TNS3: variants seen among roughly 807,000 people sequenced by gnomAD.
TNS3 encodes tensin-3.
TNS3 carries 45 observed loss-of-function variants against 140.9 expected under a neutral mutation model. The ratio of observed to expected loss-of-function variants is 0.32; its 90% CI spans 0.25 to 0.41. The LOEUF (loss-of-function observed/expected upper bound fraction) is 0.41. Ranked by LOEUF, TNS3 falls within the 10% of genes least tolerant of loss-of-function variation. TNS3 has a pLI of 1.00. For synonymous variants in TNS3, 815 were observed against 788.4 expected, an observed-to-expected ratio of 1.03 and a Z score of -0.56; for missense variants, 1,716 against 1,906.7, an observed-to-expected ratio of 0.90 and a Z score of 1.86.
chr7:47,554,291 G>A (rs1405452081), intron 1 of TNS3, among the ~76,000 whole-genome samples: 1 of 151,416 alleles, frequency 6.6e-6, no homozygotes, highest in Non-Finnish European at 1.5e-5. Context: ...GGTGGCGGGT[G>A]CCTGTAATCC....
intron 5 of TNS3, 35 bp from the exon 6 acceptor site, chr7:47,439,693 T>C (rs1194838685): frequency 1.9e-6 from 3 of 1,605,366 alleles, no homozygotes; most frequent in Admixed American, 1.7e-5. Flanking sequence ...AGAAACAGGG[T>C]AAGGAGGCAG....
At chr7:47,308,201 G>A (rs752221397) in intron 20 of TNS3, among the ~76,000 whole-genome samples, 1 of 152,098 alleles carries the variant, frequency 6.6e-6, no homozygotes, top group Non-Finnish European at 1.5e-5. Flanking sequence ...CATTTGTTGA[G>A]ACTATCTATT....
intron 1 of TNS3, among the ~76,000 whole-genome samples, chr7:47,554,417 CAAAAAAA>C (rs757352132): frequency 3.1e-5 from 2 of 64,004 alleles, no homozygotes; most frequent in Admixed American, 3.8e-4. Flanking sequence ...GACTCCATCT[CAAAAAAA>C]AAAACAAAAA....
chr7:47,498,924 G>A (rs557923887), intron 3 of TNS3, among the ~76,000 whole-genome samples: 132 of 152,364 alleles, frequency 8.7e-4, no homozygotes, highest in Non-Finnish European at 1.4e-3. Context: ...GCAAGGCCCC[G>A]AGCTGCTGGC....
intron 20 of TNS3, among the ~76,000 whole-genome samples, chr7:47,309,031 C>T (rs1170022950): frequency 6.6e-6 from 1 of 152,210 alleles, no homozygotes; most frequent in South Asian, 2.1e-4. Flanking sequence ...CCAGATTCTG[C>T]GTGAGTTTCC....
intron 5 of TNS3, 131 bp from the exon 6 acceptor site, chr7:47,439,789 G>A (rs1281098400): frequency 2.1e-5 from 19 of 901,576 alleles, no homozygotes; most frequent in Non-Finnish European, 2.7e-5. Flanking sequence ...GGCCAGCTAC[G>A]GGAATTTACA....
intron 13 of TNS3, among the ~76,000 whole-genome samples, chr7:47,409,672 C>CTTTTTTTTTT (rs1562703573): frequency 1.6e-4 from 24 of 149,352 alleles, no homozygotes; most frequent in African/African-American, 5.6e-4. Context: ...TTTTTTTTAC[C>CTTTTTTTTTT]TCTGAGACGG....
intron 2 of TNS3, among the ~76,000 whole-genome samples, chr7:47,515,590 C>T (rs1478604536): frequency 6.6e-6 from 1 of 151,878 alleles, no homozygotes; most frequent in East Asian, 1.9e-4. Flanking sequence ...ACCATCACCA[C>T]TCACCATCAC....
chr7:47,413,837 C>T (rs1793922368), intron 12 of TNS3, 100 bp downstream of exon 12: 3 of 1,448,622 alleles, frequency 2.1e-6, no homozygotes, highest in Non-Finnish European at 2.9e-6. Flanking sequence ...GACCTGAACC[C>T]TCCCACACTC....
At position 47,276,400 on chromosome 7, in the gene TNS3, C is replaced by T. The variant is rs1488269074; in HGVS notation, c.*1676G>A. 1 of 152,622 alleles carries T rather than the reference C, an allele frequency of 6.6e-6. No homozygotes were observed. Among genetic ancestry groups the T allele is most frequent in the South Asian group, 2.1e-4 (1 of 4,834 alleles). 9.5% of individuals were successfully genotyped at this position (152,622 alleles called of 1,614,324 possible). ...GCCTGTTTCTAAGTTTTCCTCGGCC[C>T]CTCACTTTAAAGCAGAGTTCACAAA... On this transcript the variant is annotated 3_prime_UTR_variant, in exon 31 of 31. Coordinates refer to ENST00000311160, the MANE Select transcript of TNS3 (RefSeq NM_022748.12).
At chr7:47,579,094 A>C (rs921555549) in intron 1 of TNS3, 3 of 152,172 alleles carry the variant, frequency 2.0e-5, no homozygotes, top group Non-Finnish European at 4.4e-5. Flanking sequence ...CCATGTTGTG[A>C]TGGTTTTTAA....
chr7:47,390,354 A>T (rs564081695), intron 16 of TNS3, among the ~76,000 whole-genome samples: 71 of 152,356 alleles, frequency 4.7e-4, no homozygotes, highest in African/African-American at 1.6e-3. Flanking sequence ...CCAGCTCTGC[A>T]CACTGCAGCC....
chr7:47,332,813 C>T (rs1452295011), intron 20 of TNS3, among the ~76,000 whole-genome samples: 1 of 152,172 alleles, frequency 6.6e-6, no homozygotes, highest in Non-Finnish European at 1.5e-5. Context: ...GATCACAGAG[C>T]TACAGACGGG....
intron 20 of TNS3, among the ~76,000 whole-genome samples, chr7:47,330,890 G>C (rs1306845943): frequency 6.6e-6 from 1 of 152,088 alleles, no homozygotes; most frequent in Admixed American, 6.6e-5. Context: ...AGCCCGCACT[G>C]CCTGTCCACC....
chr7:47,543,115 C>T (rs1367325147), intron 1 of TNS3, among the ~76,000 whole-genome samples: 1 of 152,160 alleles, frequency 6.6e-6, no homozygotes, highest in East Asian at 1.9e-4. Flanking sequence ...TCTCTAGGGG[C>T]AGGTCTTGTA....
intron 1 of TNS3, among the ~76,000 whole-genome samples, chr7:47,549,805 G>A (rs1036554448): frequency 3.7e-4 from 56 of 152,274 alleles, no homozygotes; most frequent in African/African-American, 1.3e-3. Flanking sequence ...CACAGCTAAG[G>A]ATTTGCTGAA....
chr7:47,445,266 G>C (rs1256989121), intron 4 of TNS3, among the ~76,000 whole-genome samples: 1 of 152,172 alleles, frequency 6.6e-6, no homozygotes, highest in Admixed American at 6.5e-5. Flanking sequence ...GTGCTCAGCA[G>C]CTTCCATAGC....
chr7:47,582,423 G>A, upstream of TNS3: 1 of 456,640 alleles, frequency 2.2e-6, no homozygotes, highest in Non-Finnish European at 4.4e-6. Flanking sequence ...CGGTGTTAGA[G>A]TACCTGGGGA....
chr7:47,361,736 T>C lies in TNS3; in HGVS notation c.2281+6629A>G, dbSNP rs557765053. On this transcript the variant is annotated intron_variant, in intron 17 of 30. Coordinates refer to ENST00000311160, the MANE Select transcript of TNS3 (RefSeq NM_022748.12). ...TTTAGGATGCACAGGTTATCAGCCA[T>C]GGGTTAGCACTAACAGAGCAGATGC... is the stretch of plus-strand genomic sequence containing the variant. Among the ~76,000 whole-genome samples the C allele has an allele frequency of 1.2e-4, 19 of 152,314 alleles. No individual in the cohort carries two copies. In the East Asian group the frequency reaches 3.7e-3, roughly 29 times the overall value.
Sources: allele counts gnomAD v4.1 joint callset (sites outside exome capture counted in the v4.1 genomes callset), GRCh38; gene constraint gnomAD v4.1.1; transcripts MANE v1.5; gene names NCBI Gene and HGNC (gene_info 2026-07-23, HGNC 2026-07-21).